SCARA5: variants seen among roughly 807,000 people sequenced by gnomAD.
SCARA5 encodes scavenger receptor class A, member 5 (putative).
A neutral mutation model predicts 46.3 loss-of-function variants in SCARA5; 45 were observed. The observed-to-expected ratio is 0.97, with a 90% confidence interval of 0.76 to 1.24. SCARA5 has a LOEUF of 1.24. SCARA5 is among the 50% of genes most tolerant of loss of function. SCARA5 has a pLI of 0.00. For synonymous variants in SCARA5, 333 were observed against 306.5 expected (o/e 1.09, Z -0.90); for missense variants, 680 against 689.0 (o/e 0.99, Z 0.15).
At chr8:27,888,776 G>A (rs1445678185) in intron 7 of SCARA5, among the ~76,000 whole-genome samples, 1 of 152,202 alleles carries the variant, frequency 6.6e-6, no homozygotes, top group Admixed American at 6.5e-5. Context: ...AGCAGAAAGA[G>A]AAAAGTGCTG....
At chr8:27,914,617 G>T (rs1807431847) in intron 4 of SCARA5, among the ~76,000 whole-genome samples, 1 of 152,260 alleles carries the variant, frequency 6.6e-6, no homozygotes, top group African/African-American at 2.4e-5. Context: ...GACATCTGTT[G>T]TTCCAAGAGG....
At chr8:27,887,094 G>A (rs894498479) in intron 7 of SCARA5, among the ~76,000 whole-genome samples, 1 of 152,186 alleles carries the variant, frequency 6.6e-6, no homozygotes, top group African/African-American at 2.4e-5. Flanking sequence ...CAGGTAGAGG[G>A]CAAAGGGCAA....
chr8:27,953,344 C>A (rs1032805514), intron 3 of SCARA5, among the ~76,000 whole-genome samples: 1 of 152,242 alleles, frequency 6.6e-6, no homozygotes, highest in Non-Finnish European at 1.5e-5. Context: ...AGCTAAGGAG[C>A]AGCCCTACAT....
In SCARA5 at chr8:27,909,647, G is replaced by A; in HGVS notation, c.997+16C>T. On this transcript the variant is annotated intron_variant, in intron 5 of 8. Coordinates refer to ENST00000354914, the MANE Select transcript of SCARA5 (RefSeq NM_173833.6). ...GGGGATCTCTCCCAGGTACCACCCA[G>A]GGGCACGCTCATTACCTCGAAGTCC... 1 of 1,522,950 alleles carries A rather than the reference G, an allele frequency of 6.6e-7. No individual in the cohort carries two copies. The highest frequency in any genetic ancestry group is 1.2e-5 in the South Asian group (1 of 83,394). 94.3% of individuals were successfully genotyped at this position (1,522,950 alleles called of 1,614,324 possible).
At chr8:27,952,265 G>T (rs553338166) in intron 3 of SCARA5, among the ~76,000 whole-genome samples, 75 of 152,282 alleles carry the variant, frequency 4.9e-4, no homozygotes, top group African/African-American at 1.8e-3. Flanking sequence ...GCCTTTGCTC[G>T]TGCCTTTTTT....
chr8:27,942,710 G>A (rs1807971728), intron 3 of SCARA5, among the ~76,000 whole-genome samples: 1 of 152,100 alleles, frequency 6.6e-6, no homozygotes, highest in African/African-American at 2.4e-5. Flanking sequence ...TTCTTGTGCT[G>A]CTTGAACATC....
rs1314558075 is a variant in SCARA5, at chr8:27,879,784, T to G, written c.1154-18A>C. The G allele has an allele frequency of 6.2e-7, 1 of 1,611,484 alleles. No individual in the cohort carries two copies. Among genetic ancestry groups the G allele is most frequent in the Non-Finnish European group, 8.5e-7 (1 of 1,179,738 alleles). On this transcript the variant is annotated intron_variant, in intron 7 of 8. Coordinates refer to ENST00000354914, the MANE Select transcript of SCARA5 (RefSeq NM_173833.6). ...CACGCCACCTGCCGGAGCAGCCAAC[T>G]GTCACTACCCAGCTCTAGATACACC...
chr8:27,969,896 C>G (rs940787790), intron 2 of SCARA5, among the ~76,000 whole-genome samples: 2 of 152,092 alleles, frequency 1.3e-5, no homozygotes, highest in Non-Finnish European at 2.9e-5. Flanking sequence ...CTTTAACAGG[C>G]ATTTATGGAA....
At chr8:27,920,391 T>C (rs1331677883) in intron 4 of SCARA5, among the ~76,000 whole-genome samples, 2 of 151,936 alleles carry the variant, frequency 1.3e-5, no homozygotes, top group African/African-American at 4.8e-5. Flanking sequence ...GGCAGGAGGA[T>C]CACCTGAGGT....
intron 3 of SCARA5, 142 bp downstream of exon 3, chr8:27,966,272 G>A: frequency 2.4e-6 from 2 of 849,178 alleles, no homozygotes; most frequent in East Asian, 2.8e-5. Context: ...CAATACTACT[G>A]AAGAGCTTCT....
In SCARA5 at chr8:27,879,613, A is replaced by G. The variant is rs1446077919; in HGVS notation, c.1307T>C (p.Phe436Ser). ...GCGGTACACCTCCTCCACACCGCGG[A>G]AGCCGAGCATGCGGCACACCACGTC... ...DGDVVCRMLG[F>S]RGVEEVYRTA... Residue 436 changes from phenylalanine (F) to serine (S), a missense_variant, in exon 8 of 9, where the codon TTC becomes TCC. By Grantham distance (155) the Phe-to-Ser change is radical. This residue lies in a region of SCARA5 where 219 missense variants were observed against 269.5 expected (regional missense o/e 0.81). Transcript: ENST00000354914. 1.2e-6 allele frequency: 2 copies of G among 1,611,318 alleles called. No homozygotes were observed. The highest frequency in any genetic ancestry group is 3.3e-5 in the Admixed American group (2 of 60,014).
chr8:27,967,528 G>A (rs1411244163), intron 2 of SCARA5, among the ~76,000 whole-genome samples: 1 of 152,092 alleles, frequency 6.6e-6, no homozygotes, highest in African/African-American at 2.4e-5. Context: ...CGGGGGGACG[G>A]CATTTTTTTA....
intron 4 of SCARA5, among the ~76,000 whole-genome samples, chr8:27,910,016 C>T (rs75746695): frequency 6.6e-6 from 1 of 152,076 alleles, no homozygotes. Flanking sequence ...ATATGTATGT[C>T]CCCTCCCAAA....
At chr8:27,901,535 C>G (rs1227422019) in intron 7 of SCARA5, among the ~76,000 whole-genome samples, 4 of 152,132 alleles carry the variant, frequency 2.6e-5, no homozygotes, top group African/African-American at 7.2e-5. Flanking sequence ...AAAGCTGAGC[C>G]TTGGCTCTCC....
chr8:27,967,601 G>T (rs17393063), intron 2 of SCARA5, among the ~76,000 whole-genome samples: 2 of 151,968 alleles, frequency 1.3e-5, no homozygotes, highest in Non-Finnish European at 2.9e-5. Flanking sequence ...CTCTCCAGAA[G>T]GACTGTCCCC....
chr8:27,898,003 C>G (rs887557418), intron 7 of SCARA5, among the ~76,000 whole-genome samples: 1 of 152,248 alleles, frequency 6.6e-6, no homozygotes, highest in Middle Eastern at 3.2e-3. Flanking sequence ...CCTGCCAGGG[C>G]ACGGGCCCAG....
At position 27,872,088 on chromosome 8, in the gene SCARA5, CA is replaced by C; in HGVS notation, c.1352-19del. The C allele has an allele frequency of 1.2e-6, 2 of 1,614,068 alleles. No homozygotes were observed. The highest frequency in any genetic ancestry group is 1.7e-6 in the Non-Finnish European group (2 of 1,179,924). The stretch of plus-strand genomic sequence containing the variant: ...CCCAGTGCCTGTGGAGACAGGGAAA[CA>C]CAGCTATAAGCGGATACACAGGAGG... On this transcript the variant is annotated intron_variant, in intron 8 of 8. Coordinates refer to ENST00000354914, the MANE Select transcript of SCARA5 (RefSeq NM_173833.6).
At chr8:27,943,231 G>A (rs961354507) in intron 3 of SCARA5, among the ~76,000 whole-genome samples, 50 of 152,248 alleles carry the variant, frequency 3.3e-4, no homozygotes, top group African/African-American at 1.2e-3. Flanking sequence ...TTTCCTTAAG[G>A]TTTCCTTTGC....
intron 3 of SCARA5, among the ~76,000 whole-genome samples, chr8:27,936,156 A>G (rs773309365): frequency 2.6e-5 from 4 of 152,150 alleles, no homozygotes; most frequent in Non-Finnish European, 2.9e-5. Flanking sequence ...TTCTCTGCAC[A>G]GGTGACCCAT....
Sources: gnomAD v4.1 joint callset for allele counts (sites outside exome capture counted in the v4.1 genomes callset) on GRCh38, gnomAD v4.1.1 for gene constraint, gnomAD v4.1.1 regional missense constraint, MANE v1.5 for transcripts, NCBI Gene and HGNC (gene_info 2026-07-23, HGNC 2026-07-21) for gene names.